Variants in PTH2R observed in about 807,000 individuals in gnomAD.
The protein encoded by PTH2R is parathyroid hormone 2 receptor.
In PTH2R, 59 loss-of-function variants were observed where a neutral mutation model predicts 60.3. The ratio of observed to expected loss-of-function variants is 0.98; its 90% CI spans 0.79 to 1.22. The LOEUF is 1.22. Among genes scored for constraint, PTH2R ranks in the 50% most tolerant of loss-of-function variants. PTH2R has a pLI of 0.00. For synonymous variants in PTH2R, 256 were observed against 243.8 expected (o/e 1.05, Z -0.47); for missense variants, 749 against 682.6 (o/e 1.10, Z -1.08).
intron 8 of PTH2R, among the ~76,000 whole-genome samples, chr2:208,457,620 T>A (rs1016878588): frequency 1.3e-5 from 2 of 152,234 alleles, no homozygotes; most frequent in African/African-American, 4.8e-5. Context: ...CCTTTGTATT[T>A]GTTTGCATAT....
chr2:208,473,804 A>G (rs1702936791), intron 9 of PTH2R, among the ~76,000 whole-genome samples: 1 of 152,242 alleles, frequency 6.6e-6, no homozygotes, highest in Admixed American at 6.5e-5. Flanking sequence ...GGTACCTTAC[A>G]ATCATTTAAA....
intron 1 of PTH2R, among the ~76,000 whole-genome samples, chr2:208,375,806 T>G (rs1371174732): frequency 6.6e-6 from 1 of 152,054 alleles, no homozygotes; most frequent in African/African-American, 2.4e-5. Context: ...AACCAGAGAC[T>G]AGAGGGAGGA....
At chr2:208,447,491 A>G (rs10932261) in intron 7 of PTH2R, among the ~76,000 whole-genome samples, 150,046 of 151,762 alleles carry the variant, frequency 0.99, 74,193 homozygotes, top group Middle Eastern at 1. Flanking sequence ...AGGAGGCTGA[A>G]GCAGGAGAAT....
Position 208,486,600 on chromosome 2 carries a change from A to T in PTH2R, c.1077-2412A>T, listed in dbSNP as rs574335052. Reference sequence around the variant, plus strand: ...GGAGGAAATATAATTTTTGTTTAAGAGTGATGTTAGACAAGACTTTCAAGG... The same window carrying T: ...GGAGGAAATATAATTTTTGTTTAAGTGTGATGTTAGACAAGACTTTCAAGG... On this transcript the variant is annotated intron_variant, in intron 10 of 12. Coordinates refer to ENST00000272847, the MANE Select transcript of PTH2R (RefSeq NM_005048.4). 2.4e-4 allele frequency among the ~76,000 whole-genome samples: 36 copies of T among 152,320 alleles called. 1 individual carries two copies. The South Asian group carries it at 7.3e-3, about 31-fold the overall frequency.
upstream of PTH2R, among the ~76,000 whole-genome samples, chr2:208,402,066 G>A (rs1461495927): frequency 6.6e-6 from 1 of 152,120 alleles, no homozygotes; most frequent in Non-Finnish European, 1.5e-5. Context: ...AGGCTTTGAG[G>A]GACCCCAGTT....
In PTH2R at chr2:208,407,030, C is replaced by T. The variant is rs1035229082; in HGVS notation, c.-14C>T. ...GGAGGAGGGTCCCTGCTTCTTCCTA[C>T]AGCCGTTCCGGGCATGGCCGGGCTG... On this transcript the variant is annotated 5_prime_UTR_variant, in exon 1 of 13. Transcript: ENST00000272847. 2.9e-6 allele frequency: 4 copies of T among 1,389,664 alleles called. No individual in the cohort carries two copies. Among genetic ancestry groups the T allele is most frequent in the Non-Finnish European group, 3.7e-6 (4 of 1,066,686 alleles). 86.1% of individuals were successfully genotyped at this position (1,389,664 alleles called of 1,614,324 possible). A position where few individuals can be genotyped will look rare whatever the true frequency, so the allele number is the denominator to read the frequency against.
At chr2:208,383,866 C>G (rs1574825812) in intron 1 of PTH2R, among the ~76,000 whole-genome samples, 1 of 152,100 alleles carries the variant, frequency 6.6e-6, no homozygotes, top group African/African-American at 2.4e-5. Flanking sequence ...AGACAGATCT[C>G]CATGCTGAGT....
At chr2:208,383,963 G>T (rs920951550) in intron 1 of PTH2R, among the ~76,000 whole-genome samples, 1 of 152,192 alleles carries the variant, frequency 6.6e-6, no homozygotes, top group African/African-American at 2.4e-5. Context: ...TGGAGGATGG[G>T]GGCATGAGGA....
Position 208,493,666 on chromosome 2 carries a change from A to G in PTH2R, c.*7A>G, listed in dbSNP as rs770677400. The G allele has an allele frequency of 3.3e-6, 5 of 1,533,346 alleles. No homozygotes were observed. In the Admixed American group the frequency reaches 5.9e-5, roughly 18 times the overall value. The allele number at this position is 1,533,346 out of a possible 1,614,324, so 95.0% of individuals were successfully genotyped here. A position where few individuals can be genotyped will look rare whatever the true frequency, so the allele number is the denominator to read the frequency against. On this transcript the variant is annotated 3_prime_UTR_variant, in exon 13 of 13. Coordinates refer to ENST00000272847, the MANE Select transcript of PTH2R (RefSeq NM_005048.4). ...AACTGAGGATGTTCTCTGAATGGACATTTGTGGCTGACTTTCATGGGCTGG... is the reference window on the plus strand; with the variant it reads ...AACTGAGGATGTTCTCTGAATGGACGTTTGTGGCTGACTTTCATGGGCTGG...
intron 8 of PTH2R, among the ~76,000 whole-genome samples, chr2:208,458,795 G>A (rs1444117656): frequency 6.6e-6 from 1 of 151,894 alleles, no homozygotes; most frequent in African/African-American, 2.4e-5. Context: ...TTTTTTTGTG[G>A]TTGCATAATA....
At chr2:208,403,413 C>T (rs1413259796), upstream of PTH2R, among the ~76,000 whole-genome samples, 1 of 152,100 alleles carries the variant, frequency 6.6e-6, no homozygotes. Context: ...CTGAGAAAGC[C>T]ATTTAATTTT....
chr2:208,385,453 G>GGTGTA (rs1400002288), intron 1 of PTH2R, among the ~76,000 whole-genome samples: 1 of 151,906 alleles, frequency 6.6e-6, no homozygotes, highest in Admixed American at 6.6e-5. Flanking sequence ...CCTGGCCACT[G>GGTGTA]GTGTACATAA....
chr2:208,449,333 T>C (rs922297785), intron 7 of PTH2R, among the ~76,000 whole-genome samples: 3 of 152,198 alleles, frequency 2.0e-5, no homozygotes, highest in African/African-American at 4.8e-5. Flanking sequence ...TTCACCAGAA[T>C]ATAAGTTTTA....
rs1020953610 is a variant in PTH2R at position 208,375,457 on chromosome 2, T to C, written c.-259+15220T>C. On this transcript the variant is annotated intron_variant, in intron 1 of 12. Coordinates refer to the PTH2R transcript ENST00000617735. ...ATTAATAATTTGAAACTGTCTGCTC[T>C]GTGAAGGCAACGACCTATCTTTACT... Among the ~76,000 whole-genome samples, 7 of 152,188 alleles carry C rather than the reference T, an allele frequency of 4.6e-5. No homozygotes were observed. The South Asian group carries it at 6.2e-4, about 13-fold the overall frequency.
At chr2:208,396,984 G>T (rs1701221585) in intron 1 of PTH2R, among the ~76,000 whole-genome samples, 1 of 152,098 alleles carries the variant, frequency 6.6e-6, no homozygotes, top group Admixed American at 6.6e-5. Flanking sequence ...CCATAAAAAA[G>T]GATGAGTTTA....
chr2:208,456,336 C>G (rs1702514511), intron 8 of PTH2R, among the ~76,000 whole-genome samples: 1 of 152,162 alleles, frequency 6.6e-6, no homozygotes, highest in Non-Finnish European at 1.5e-5. Flanking sequence ...TGTTCTCTTT[C>G]TTTTTACTTA....
chr2:208,473,449 C>G (rs1258048253), intron 9 of PTH2R, among the ~76,000 whole-genome samples: 1 of 152,060 alleles, frequency 6.6e-6, no homozygotes, highest in Non-Finnish European at 1.5e-5. Flanking sequence ...CCCTAAATGA[C>G]TTATTTGGAG....
intron 1 of PTH2R, among the ~76,000 whole-genome samples, chr2:208,364,690 T>G (rs1294567054): frequency 6.6e-6 from 1 of 152,216 alleles, no homozygotes; most frequent in Non-Finnish European, 1.5e-5. Context: ...GGATGAATTC[T>G]TCTATTTCTG....
intron 1 of PTH2R, among the ~76,000 whole-genome samples, chr2:208,397,602 A>G (rs1222042574): frequency 6.6e-6 from 1 of 152,160 alleles, no homozygotes; most frequent in African/African-American, 2.4e-5. Flanking sequence ...GAAAGAGGGA[A>G]CCCTGAGTGC....
Sources: gnomAD v4.1 joint callset for allele counts (sites outside exome capture counted in the v4.1 genomes callset) on GRCh38, gnomAD v4.1.1 for gene constraint, MANE v1.5 for transcripts, NCBI Gene and HGNC (gene_info 2026-07-23, HGNC 2026-07-21) for gene names.